ABCC2: variants seen among roughly 807,000 people sequenced by gnomAD.
ABCC2 encodes ATP binding cassette subfamily C member 2.
A neutral mutation model predicts 173.4 loss-of-function variants in ABCC2; 157 were observed. The observed-to-expected ratio is 0.91, with a 90% CI of 0.80 to 1.03. The LOEUF is 1.03. Among genes scored for constraint, ABCC2 ranks in the 50% least tolerant of loss-of-function variants. The pLI is 0.00. For missense variants in ABCC2, 1,822 were observed against 1,852.3 expected (o/e 0.98, Z 0.30); for synonymous variants, 657 against 693.5 (o/e 0.95, Z 0.83).
intron 2 of ABCC2, 116 bp from the exon 3 acceptor site, chr10:99,792,118 T>C: frequency 7.8e-7 from 1 of 1,284,662 alleles, no homozygotes; most frequent in Non-Finnish European, 1.1e-6. Context: ...GAAATATTTA[T>C]TGTGTTATCT....
chr10:99,845,512 T>C lies in ABCC2; in HGVS notation c.3988-112T>C, dbSNP rs929637508. 2.0e-5 allele frequency: 27 copies of C among 1,351,330 alleles called. No individual in the cohort carries two copies. The Admixed American group carries it at 2.5e-4, about 13-fold the overall frequency. The allele number at this position is 1,351,330 out of a possible 1,614,324, so 83.7% of individuals were successfully genotyped here. A position where few individuals can be genotyped will look rare whatever the true frequency, so the allele number is the denominator to read the frequency against. The stretch of plus-strand genomic sequence containing the variant: ...CAAAATCAGTTTAATATCTTAGAGA[T>C]GGAGTAGCCAGTCACTGCCTCTTAC... On this transcript the variant is annotated intron_variant, in intron 28 of 31. Coordinates refer to ENST00000647814, the MANE Select transcript of ABCC2 (RefSeq NM_000392.5).
chr10:99,807,660 C>T (rs1483902170), intron 12 of ABCC2, 139 bp downstream of exon 12: 1 of 1,224,368 alleles, frequency 8.2e-7, no homozygotes, highest in Non-Finnish European at 1.2e-6. Context: ...CCTCTCACCG[C>T]CCCATGCCAC....
In ABCC2 at chr10:99,822,503, C is replaced by T. The variant is rs183394188; in HGVS notation, c.2620+3234C>T. On this transcript the variant is annotated intron_variant, in intron 19 of 31. Transcript: ENST00000647814. Reference sequence around the variant, plus strand: ...ATTGTAGAACTTCAAATGTCTAGTGCGTATCCAAACAGGAAGCTGATTTTC... The same window carrying T: ...ATTGTAGAACTTCAAATGTCTAGTGTGTATCCAAACAGGAAGCTGATTTTC... Among the ~76,000 whole-genome samples the T allele has an allele frequency of 5.3e-3, 802 of 152,016 alleles. 25 individuals carry two copies. Among genetic ancestry groups the T allele is most frequent in the Admixed American group, 0.046 (703 of 15,238 alleles).
At position 99,782,756 on chromosome 10, in the gene ABCC2, G is replaced by C; in HGVS notation, c.-89G>C. ...AACATCAGAATGGTAGATAATTCCT[G>C]TTCCACTTTCTTTGATGAAACAAGT... is the stretch of plus-strand genomic sequence containing the variant. On this transcript the variant is annotated 5_prime_UTR_variant, in exon 1 of 32. Transcript: ENST00000647814. The C allele has an allele frequency of 1.0e-5, 15 of 1,437,558 alleles. 2 individuals are homozygous for C. The Middle Eastern group carries it at 2.3e-3, about 216-fold the overall frequency. 89.1% of individuals were successfully genotyped at this position (1,437,558 alleles called of 1,614,324 possible).
chr10:99,795,714 G>A (rs1387860252), intron 6 of ABCC2, among the ~76,000 whole-genome samples: 1 of 140,460 alleles, frequency 7.1e-6, no homozygotes, highest in Non-Finnish European at 1.5e-5. Context: ...AAGAGAGAGA[G>A]AGAGAGAAGA....
At chr10:99,823,441 C>A (rs2038574714) in intron 19 of ABCC2, among the ~76,000 whole-genome samples, 1 of 151,940 alleles carries the variant, frequency 6.6e-6, no homozygotes, top group South Asian at 2.1e-4. Context: ...AACTGATCAT[C>A]CATGCTATAT....
At chr10:99,792,917 C>T (rs967445471) in intron 3 of ABCC2, among the ~76,000 whole-genome samples, 2 of 152,128 alleles carry the variant, frequency 1.3e-5, no homozygotes, top group East Asian at 1.9e-4. Flanking sequence ...GTCTGGCAAT[C>T]GCAAACCTAC....
At chr10:99,815,385 G>A (rs1236746917) in intron 16 of ABCC2, among the ~76,000 whole-genome samples, 1 of 152,010 alleles carries the variant, frequency 6.6e-6, no homozygotes, top group Non-Finnish European at 1.5e-5. Flanking sequence ...TAGTAGAGGC[G>A]GGGTTTTGCC....
In ABCC2 at chr10:99,782,811, G is replaced by A. The variant is rs752354456; in HGVS notation, c.-34G>A. ...AAGAAACAACACAATCATATTAATA[G>A]AAGAGTCTTCGTTCCAGACGCAGTC... On this transcript the variant is annotated 5_prime_UTR_variant, in exon 1 of 32. Coordinates refer to ENST00000647814, the MANE Select transcript of ABCC2 (RefSeq NM_000392.5). 11 of 1,611,392 alleles carry A rather than the reference G, an allele frequency of 6.8e-6. No homozygotes were observed. In the South Asian group the frequency reaches 1.2e-4, roughly 18 times the overall value.
intron 6 of ABCC2, 178 bp downstream of exon 6, chr10:99,794,646 G>A (rs765772843): frequency 4.5e-5 from 27 of 594,904 alleles, no homozygotes; most frequent in Non-Finnish European, 7.6e-5. Context: ...CTGGGTTCAA[G>A]TGATTATCCT....
At chr10:99,785,809 T>C (rs1290065848) in intron 2 of ABCC2, among the ~76,000 whole-genome samples, 2 of 152,002 alleles carry the variant, frequency 1.3e-5, no homozygotes, top group East Asian at 3.9e-4. Flanking sequence ...CTGAGCCACC[T>C]GCACAGCCTC....
chr10:99,802,649 G>A (rs1350629346), intron 9 of ABCC2, among the ~76,000 whole-genome samples: 1 of 152,142 alleles, frequency 6.6e-6, no homozygotes, highest in Non-Finnish European at 1.5e-5. Flanking sequence ...ATGTATTGGT[G>A]GATTAAGATG....
chr10:99,841,911 G>C, intron 25 of ABCC2, 56 bp from the exon 26 acceptor site: 2 of 1,613,426 alleles, frequency 1.2e-6, no homozygotes, highest in South Asian at 2.2e-5. Context: ...CAAGGTTGCT[G>C]GTTAAGATGA....
chr10:99,843,936 A>G (rs758562842), intron 27 of ABCC2, 36 bp downstream of exon 27: 30 of 1,511,500 alleles, frequency 2.0e-5, no homozygotes, highest in Non-Finnish European at 2.4e-5. Context: ...GAACAAGGCA[A>G]AAACAACATG....
chr10:99,830,694 C>T (rs758445590), intron 20 of ABCC2, 22 bp from the exon 21 acceptor site: 41 of 1,613,902 alleles, frequency 2.5e-5, no homozygotes, highest in Non-Finnish European at 3.4e-5. Flanking sequence ...CCTGCATGCT[C>T]AGGGAAGCTT....
chr10:99,844,006 G>T (rs2038981446), intron 27 of ABCC2, 106 bp downstream of exon 27: 2 of 1,004,432 alleles, frequency 2.0e-6, no homozygotes, highest in Non-Finnish European at 3.2e-6. Flanking sequence ...CCCATAATGG[G>T]TCCCTAAAGT....
At chr10:99,783,169 C>A (rs766197710) in intron 1 of ABCC2, among the ~76,000 whole-genome samples, 7 of 152,078 alleles carry the variant, frequency 4.6e-5, no homozygotes, top group Non-Finnish European at 4.4e-5. Context: ...CAATTTAATC[C>A]GTGTGAGGAA....
chr10:99,810,210 G>C lies in ABCC2; in HGVS notation c.1892G>C (p.Cys631Ser). 6.2e-7 allele frequency: 1 copy of C among 1,613,196 alleles called. No homozygotes were observed. Among genetic ancestry groups the C allele is most frequent in the Middle Eastern group, 1.7e-4 (1 of 6,050 alleles). ...DLDTSAIRHDCNFDKAMQFSE... is the reference protein window; with the variant it reads ...DLDTSAIRHDSNFDKAMQFSE... ...GACACATCTGCCATTCGACATGACTGCAATTTTGGTAAATAAATTTGGAAG... is the reference window on the plus strand; with the variant it reads ...GACACATCTGCCATTCGACATGACTCCAATTTTGGTAAATAAATTTGGAAG... The change falls in exon 14 of 32, where the codon TGC becomes TCC. Residue 631 changes from cysteine to serine, a missense_variant. Transcript: ENST00000647814.
In ABCC2 at chr10:99,817,896, T is replaced by G. The variant is rs960426964; in HGVS notation, c.2271+412T>G. On this transcript the variant is annotated intron_variant, in intron 17 of 31. Transcript: ENST00000647814. ...GAACACTTAGATGTTTATTGTGAAT[T>G]ATCTTTTGATGTTATTAAAGGCCTT... Among the ~76,000 whole-genome samples the G allele has an allele frequency of 2.0e-5, 3 of 152,176 alleles. No individual in the cohort carries two copies. In the South Asian group the frequency reaches 6.2e-4, roughly 31 times the overall value.
Sources: gnomAD v4.1 joint callset for allele counts (sites outside exome capture counted in the v4.1 genomes callset) on GRCh38, gnomAD v4.1.1 for gene constraint, MANE v1.5 for transcripts, NCBI Gene and HGNC (gene_info 2026-07-23, HGNC 2026-07-21) for gene names.